ATP11C: variants seen among roughly 807,000 people sequenced by gnomAD.
ATP11C encodes the protein phospholipid-transporting ATPase IG.
In ATP11C, 36 loss-of-function variants were observed where a neutral mutation model predicts 97.4. The ratio of observed to expected loss-of-function variants is 0.37; its 90% CI spans 0.28 to 0.49. ATP11C has a LOEUF of 0.49. ATP11C is among the 20% of genes least tolerant of loss of function. ATP11C has a pLI of 0.98. For synonymous variants in ATP11C, 275 were observed against 290.9 expected (o/e 0.95, Z 0.56); for missense variants, 730 against 824.6 (o/e 0.89, Z 1.40).
At chrX:139,796,242 C>T in intron 12 of ATP11C, 31 bp downstream of exon 12, 1 of 1,059,502 alleles carries the variant, frequency 9.4e-7, no homozygotes, top group Non-Finnish European at 1.3e-6. Context: ...ACTACGTTGA[C>T]AAATTATTTT....
In ATP11C at chrX:139,761,563, C is replaced by T. The variant is rs137861069; in HGVS notation, c.2640+398G>A. ...CAGGCTGGTCTCAAAATCCTGACCT[C>T]AAGTGATCCTCCCGCCTTGGCCTCC... On this transcript the variant is annotated intron_variant, in intron 22 of 29. Coordinates refer to ENST00000682941, the MANE Select transcript of ATP11C (RefSeq NM_001353812.2). Among the ~76,000 whole-genome samples, 377 of 110,817 alleles carry T rather than the reference C, an allele frequency of 3.4e-3. 8 individuals carry two copies. The East Asian group carries it at 0.074, about 22-fold the overall frequency.
intron 1 of ATP11C, among the ~76,000 whole-genome samples, chrX:139,862,734 G>C (rs1365081074): frequency 1.8e-5 from 2 of 111,714 alleles, no homozygotes; most frequent in Non-Finnish European, 3.8e-5. Context: ...GCAGGAAGCA[G>C]AGCCAGAGTA....
intron 18 of ATP11C, among the ~76,000 whole-genome samples, chrX:139,777,223 T>C (rs1159799891): frequency 9.1e-6 from 1 of 110,249 alleles, no homozygotes; most frequent in Non-Finnish European, 1.9e-5. Context: ...ATTCAAAATA[T>C]GGATTGCAAG....
chrX:139,872,201 C>T (rs1394904602), intron 1 of ATP11C, among the ~76,000 whole-genome samples: 5 of 95,195 alleles, frequency 5.3e-5, no homozygotes, highest in African/African-American at 2.0e-4. Flanking sequence ...ATCAAGCTTA[C>T]AAATTAATGA....
At chrX:139,730,672 T>TA (rs1470722808) in intron 29 of ATP11C, among the ~76,000 whole-genome samples, 2 of 111,408 alleles carry the variant, frequency 1.8e-5, no homozygotes, top group African/African-American at 6.5e-5. Flanking sequence ...CCCACAATTG[T>TA]ATTCATGATG....
chrX:139,884,864 AATG>A (rs1439173055), intron 1 of ATP11C, among the ~76,000 whole-genome samples: 1 of 112,128 alleles, frequency 8.9e-6, no homozygotes, highest in African/African-American at 3.2e-5. Context: ...GGAAATCAAT[AATG>A]ATGATAGTAA....
At chrX:139,749,900 C>A in intron 24 of ATP11C, 125 bp downstream of exon 24, 3 of 693,444 alleles carry the variant, frequency 4.3e-6, no homozygotes, top group Non-Finnish European at 6.2e-6. Flanking sequence ...GCTAAAAATT[C>A]CAAACAGAAC....
chrX:139,935,170 A>G (rs2085511485), upstream of ATP11C, among the ~76,000 whole-genome samples: 1 of 112,672 alleles, frequency 8.9e-6, no homozygotes, highest in African/African-American at 3.2e-5. Context: ...TTTAAAAAAT[A>G]TTAGAGACCT....
chrX:139,935,519 C>T (rs1316670491), upstream of ATP11C, among the ~76,000 whole-genome samples: 3 of 111,120 alleles, frequency 2.7e-5, no homozygotes, highest in African/African-American at 9.8e-5. Context: ...TGCAGTGAGC[C>T]GAGATCGCAC....
chrX:139,864,486 A>G (rs754170228), intron 1 of ATP11C, among the ~76,000 whole-genome samples: 11 of 112,431 alleles, frequency 9.8e-5, no homozygotes, highest in Admixed American at 4.7e-4. Flanking sequence ...AGATCAAAAC[A>G]CTGGCTCTGC....
At chrX:139,934,255 G>GCGATCAA (rs2085496851), upstream of ATP11C, among the ~76,000 whole-genome samples, 1 of 111,421 alleles carries the variant, frequency 9.0e-6, no homozygotes, top group Non-Finnish European at 1.9e-5. Flanking sequence ...ACTTCATTCT[G>GCGATCAA]CGATCAACGA....
At chrX:139,848,855 C>A (rs1603400460) in intron 1 of ATP11C, among the ~76,000 whole-genome samples, 1 of 112,102 alleles carries the variant, frequency 8.9e-6, no homozygotes, top group South Asian at 3.7e-4. Flanking sequence ...AATCCAGGAC[C>A]AATCTCGCAA....
intron 2 of ATP11C, among the ~76,000 whole-genome samples, chrX:139,822,559 A>C (rs1437507371): frequency 9.0e-6 from 1 of 111,166 alleles, no homozygotes; most frequent in Non-Finnish European, 1.9e-5. Flanking sequence ...AATTACAGGC[A>C]TACGCCAACA....
At chrX:139,907,172 C>G (rs1453243548) in intron 1 of ATP11C, among the ~76,000 whole-genome samples, 1 of 111,447 alleles carries the variant, frequency 9.0e-6, no homozygotes, top group Non-Finnish European at 1.9e-5. Context: ...TCTCCCTGTC[C>G]ACTGGATTGT....
rs184329856 is a variant in ATP11C, at chrX:139,859,467, G to A, written c.28-32644C>T. ...TCTATACCCCATAAATACATTATGT[G>A]TCAATTAAAAGTTGTTATAAAAAAA... On this transcript the variant is annotated intron_variant, in intron 1 of 29. Coordinates refer to ENST00000682941, the MANE Select transcript of ATP11C (RefSeq NM_001353812.2). 4.5e-5 allele frequency among the ~76,000 whole-genome samples: 5 copies of A among 111,753 alleles called. No homozygotes were observed. In the East Asian group the frequency reaches 1.4e-3, roughly 31 times the overall value.
upstream of ATP11C, among the ~76,000 whole-genome samples, chrX:139,934,960 G>T (rs1269916623): frequency 8.9e-6 from 1 of 111,974 alleles, no homozygotes; most frequent in African/African-American, 3.2e-5. Flanking sequence ...TTGGGAGGTG[G>T]AGGAGGTTAT....
In ATP11C at chrX:139,798,780, C is replaced by G. The variant is rs747296150; in HGVS notation, c.711-37G>C. On this transcript the variant is annotated intron_variant, in intron 8 of 29. Transcript: ENST00000682941. ...ATGAACACAGCTTATCCAAACAAGC[C>G]AATAGCATCAACAACTCTGGGGACA... 2.8e-6 allele frequency: 3 copies of G among 1,084,733 alleles called. No homozygotes were observed. In the African/African-American group the frequency reaches 5.5e-5, roughly 20 times the overall value. The allele number at this position is 1,084,733 out of a possible 1,213,427, so 89.4% of individuals were successfully genotyped here. A position where few individuals can be genotyped will look rare whatever the true frequency, so the allele number is the denominator to read the frequency against.
At chrX:139,859,256 A>G (rs1206589310) in intron 1 of ATP11C, among the ~76,000 whole-genome samples, 1 of 111,876 alleles carries the variant, frequency 8.9e-6, no homozygotes, top group African/African-American at 3.2e-5. Context: ...GACAGGAGGA[A>G]TAAGTTACAG....
intron 1 of ATP11C, among the ~76,000 whole-genome samples, chrX:139,864,246 G>C (rs2084248382): frequency 9.0e-6 from 1 of 111,516 alleles, no homozygotes; most frequent in Non-Finnish European, 1.9e-5. Flanking sequence ...TGCTTAATTT[G>C]CTCATTTAGT....
Sources: gnomAD v4.1 joint callset for allele counts (sites outside exome capture counted in the v4.1 genomes callset) on GRCh38, gnomAD v4.1.1 for gene constraint, MANE v1.5 for transcripts, NCBI Gene and HGNC (gene_info 2026-07-23, HGNC 2026-07-21) for gene names.